GLB1L2: variants seen among roughly 807,000 people sequenced by gnomAD.
GLB1L2 encodes the protein beta-galactosidase-1-like protein 2.
Under a neutral mutation model 84.1 loss-of-function variants are expected in GLB1L2, and 68 were observed. The observed-to-expected ratio is 0.81, with a 90% CI of 0.67 to 0.99. GLB1L2 has a LOEUF of 0.99. Ranked by LOEUF, GLB1L2 falls within the 50% of genes least tolerant of loss-of-function variation. The pLI is 0.00. For missense variants in GLB1L2, 762 were observed against 805.6 expected (o/e 0.95, Z 0.66); for synonymous variants, 290 against 318.0 (o/e 0.91, Z 0.94).
intron 3 of GLB1L2, among the ~76,000 whole-genome samples, 200 bp downstream of exon 3, chr11:134,344,655 C>T (rs11223763): frequency 0.044 from 6,671 of 151,948 alleles, 1 homozygote; most frequent in Non-Finnish European, 0.068. Context: ...CTGCAGCCTC[C>T]GGGCCCCACC....
rs76287801 is a variant in GLB1L2, at chr11:134,347,003, C to T, written c.450-322C>T. On this transcript the variant is annotated intron_variant, in intron 4 of 18. Transcript: ENST00000535456. ...GACTTCACTTTTTGAAATGGGATCA[C>T]AGAGCAAGTTGTTGAAAACTAGGCC... is the stretch of plus-strand genomic sequence containing the variant. 2,687 of 293,632 alleles carry T rather than the reference C, an allele frequency of 9.2e-3. 68 individuals carry two copies. Among genetic ancestry groups the T allele is most frequent in the African/African-American group, 0.052 (2,470 of 47,666 alleles). 18.2% of individuals were successfully genotyped at this position (293,632 alleles called of 1,614,324 possible).
Position 134,370,757 on chromosome 11 carries a change from C to T in GLB1L2, c.1216-251C>T, listed in dbSNP as rs898190901. ...CCGTCCCCTCCCCAAGAAGGGGGTGCCTCCTCCGGCGGACTGAGGCTGTGA... is the reference window on the plus strand; with the variant it reads ...CCGTCCCCTCCCCAAGAAGGGGGTGTCTCCTCCGGCGGACTGAGGCTGTGA... On this transcript the variant is annotated intron_variant, in intron 12 of 18. Coordinates refer to ENST00000535456, the MANE Select transcript of GLB1L2 (RefSeq NM_001370461.1). This position sits in a 1 kb window ranked among gnomAD's most constrained non-coding sequence, Gnocchi z 4.7. Among the ~76,000 whole-genome samples, 1 of 152,160 alleles carries T rather than the reference C, an allele frequency of 6.6e-6. No homozygotes were observed. Among genetic ancestry groups the T allele is most frequent in the Non-Finnish European group, 1.5e-5 (1 of 68,022 alleles).
Position 134,370,524 on chromosome 11 carries a change from C to A in GLB1L2, c.1215+125C>A. The A allele has an allele frequency of 1.4e-6, 1 of 715,522 alleles. No individual in the cohort carries two copies. The highest frequency in any genetic ancestry group is 2.4e-6 in the Non-Finnish European group (1 of 414,012). The allele number at this position is 715,522 out of a possible 1,614,324, so 44.3% of individuals were successfully genotyped here. ...TCGTCGGGGCAGCAGGGCCTGGAGC[C>A]CCTCCAGACAGGGAGTGTGGGGGGA... On this transcript the variant is annotated intron_variant, in intron 12 of 18. Coordinates refer to ENST00000535456, the MANE Select transcript of GLB1L2 (RefSeq NM_001370461.1). The surrounding 1 kb of genome is among the most constrained non-coding windows in gnomAD (Gnocchi z 4.7).
intron 10 of GLB1L2, among the ~76,000 whole-genome samples, chr11:134,369,026 A>T (rs1017853333): frequency 6.6e-6 from 1 of 152,126 alleles, no homozygotes; most frequent in African/African-American, 2.4e-5. Context: ...TGGCCTGAGG[A>T]AGTGGAAGGA....
chr11:134,334,884 T>C lies in GLB1L2; in HGVS notation c.86+2737T>C, dbSNP rs577655569. Among the ~76,000 whole-genome samples the C allele has an allele frequency of 7.2e-5, 11 of 152,296 alleles. No homozygotes were observed. The South Asian group carries it at 2.1e-3, about 29-fold the overall frequency. On this transcript the variant is annotated intron_variant, in intron 1 of 18. Transcript: ENST00000535456. This position sits in a 1 kb window ranked among gnomAD's most constrained non-coding sequence, Gnocchi z 4.1. The stretch of plus-strand genomic sequence containing the variant: ...TCATTCTCTTCCTATTCGCACTCCA[T>C]GAACACAAGAATGCCTGCTTGATAT...
At chr11:134,363,913 T>C (rs764137511) in intron 7 of GLB1L2, among the ~76,000 whole-genome samples, 1 of 152,218 alleles carries the variant, frequency 6.6e-6, no homozygotes, top group Non-Finnish European at 1.5e-5. Context: ...AGTCTCACTC[T>C]GTCACCCAGG....
rs577319780 is a variant in GLB1L2, at chr11:134,371,577, G to T, written c.1428+85G>T. The T allele has an allele frequency of 5.8e-6, 6 of 1,033,818 alleles. No homozygotes were observed. In the East Asian group the frequency reaches 1.2e-4, roughly 20 times the overall value. The allele number at this position is 1,033,818 out of a possible 1,614,324, so 64.0% of individuals were successfully genotyped here. On this transcript the variant is annotated intron_variant, in intron 14 of 18. Coordinates refer to ENST00000535456, the MANE Select transcript of GLB1L2 (RefSeq NM_001370461.1). Reference sequence around the variant, plus strand: ...GGCAGTCACTGAGGAAAACCTGGGAGACCCGTGGCTCCTTACCCACAAGCT... The same window carrying T: ...GGCAGTCACTGAGGAAAACCTGGGATACCCGTGGCTCCTTACCCACAAGCT...
chr11:134,366,637 A>C (rs774283410), intron 8 of GLB1L2, among the ~76,000 whole-genome samples: 3 of 152,248 alleles, frequency 2.0e-5, no homozygotes, highest in Non-Finnish European at 4.4e-5. Flanking sequence ...TGCCAAAGTC[A>C]GTATTCAGAA....
intron 5 of GLB1L2, among the ~76,000 whole-genome samples, chr11:134,353,633 A>C (rs932579773): frequency 1.3e-5 from 2 of 152,082 alleles, no homozygotes; most frequent in Non-Finnish European, 2.9e-5. Context: ...TGATATTCAG[A>C]TATTGAGTCT....
At chr11:134,369,137 G>C (rs1943905551) in intron 10 of GLB1L2, among the ~76,000 whole-genome samples, 1 of 152,210 alleles carries the variant, frequency 6.6e-6, no homozygotes. Context: ...GTCCCAGAAA[G>C]TAGAAATTAC....
intron 9 of GLB1L2, 26 bp from the exon 10 acceptor site, chr11:134,368,618 C>T (rs1943896665): frequency 6.2e-7 from 1 of 1,612,478 alleles, no homozygotes; most frequent in African/African-American, 1.3e-5. Flanking sequence ...TCACTCTGCA[C>T]ATCCCCTTTC....
At chr11:134,364,589 G>A in intron 8 of GLB1L2, 191 bp downstream of exon 8, 1 of 586,580 alleles carries the variant, frequency 1.7e-6, no homozygotes, top group Non-Finnish European at 3.0e-6. Flanking sequence ...GGGCTGCTGT[G>A]TAGGCTGATG....
At position 134,342,952 on chromosome 11, in the gene GLB1L2, G is replaced by A. The variant is rs750611640; in HGVS notation, c.284+1G>A. On this transcript the variant is annotated splice_donor_variant, in intron 2 of 18. Coordinates refer to ENST00000535456, the MANE Select transcript of GLB1L2 (RefSeq NM_001370461.1). LOFTEE classifies it high-confidence loss of function. ...CCTGTGGCTTGAACACCCTCACCAC[G>A]TAGGTGCTGCCCCTGTCCCCCCGGA... 9 of 1,608,674 alleles carry A rather than the reference G, an allele frequency of 5.6e-6. No individual in the cohort carries two copies. The highest frequency in any genetic ancestry group is 2.7e-5 in the African/African-American group (2 of 74,812).
chr11:134,340,800 A>G (rs1056606724), intron 1 of GLB1L2, among the ~76,000 whole-genome samples: 1 of 152,214 alleles, frequency 6.6e-6, no homozygotes, highest in East Asian at 1.9e-4. Context: ...ATTTATGAAC[A>G]CTGAAGTTCA....
intron 7 of GLB1L2, chr11:134,360,615 ACCCAC>A (rs1402159531): frequency 1.3e-5 from 2 of 148,328 alleles, no homozygotes; most frequent in East Asian, 4.0e-4. Flanking sequence ...ACCTCCAGGC[ACCCAC>A]CTGCGTGCCC....
rs555295402 is a variant in GLB1L2, at chr11:134,342,353, G to A, written c.87-401G>A. ...CTCCTGCGGTCGGGCGGCTGCGACCGTGCCGGGGCTCGGAGGTACCGTGTG... is the reference window on the plus strand; with the variant it reads ...CTCCTGCGGTCGGGCGGCTGCGACCATGCCGGGGCTCGGAGGTACCGTGTG... On this transcript the variant is annotated intron_variant, in intron 1 of 18. Coordinates refer to ENST00000535456, the MANE Select transcript of GLB1L2 (RefSeq NM_001370461.1). 7.9e-5 allele frequency among the ~76,000 whole-genome samples: 12 copies of A among 152,278 alleles called. No homozygotes were observed. In the South Asian group the frequency reaches 2.5e-3, roughly 32 times the overall value.
chr11:134,332,166 C>G lies in GLB1L2; in HGVS notation c.86+19C>G, dbSNP rs1433285830. On this transcript the variant is annotated intron_variant, in intron 1 of 18. Coordinates refer to ENST00000535456, the MANE Select transcript of GLB1L2 (RefSeq NM_001370461.1). ...TCCGCAGGTGAGAGAGAGCTTCGCGCAGCACCTGCCGGACCCCACATTCCC... is the reference window on the plus strand; with the variant it reads ...TCCGCAGGTGAGAGAGAGCTTCGCGGAGCACCTGCCGGACCCCACATTCCC... 3.3e-6 allele frequency: 5 copies of G among 1,495,704 alleles called. No homozygotes were observed. Among genetic ancestry groups the G allele is most frequent in the Middle Eastern group, 3.8e-4 (2 of 5,264 alleles). The allele number at this position is 1,495,704 out of a possible 1,614,324, so 92.7% of individuals were successfully genotyped here.
intron 5 of GLB1L2, among the ~76,000 whole-genome samples, chr11:134,347,834 G>A (rs1591614276): frequency 2.0e-5 from 3 of 152,282 alleles, no homozygotes; most frequent in Admixed American, 2.0e-4. Flanking sequence ...GTTTTGCACA[G>A]GGTGGAGCAC....
At chr11:134,361,850 C>T (rs1397873185) in intron 7 of GLB1L2, among the ~76,000 whole-genome samples, 5 of 152,190 alleles carry the variant, frequency 3.3e-5, no homozygotes, top group Non-Finnish European at 5.9e-5. Flanking sequence ...TTCCCGGCAC[C>T]TGCTGTTGCT....
Sources: allele counts gnomAD v4.1 joint callset (sites outside exome capture counted in the v4.1 genomes callset), GRCh38; gene constraint gnomAD v4.1.1; non-coding constraint Gnocchi (gnomAD v3.1); transcripts MANE v1.5; gene names NCBI Gene and HGNC (gene_info 2026-07-23, HGNC 2026-07-21).